SPSB4: variants seen among roughly 807,000 people sequenced by gnomAD.
SPSB4 encodes SPRY domain-containing SOCS box protein 4.
Under a neutral mutation model 20.9 loss-of-function variants are expected in SPSB4, and 21 were observed. That is an observed-to-expected ratio of 1.01 (90% confidence interval 0.71 to 1.45). The LOEUF is 1.45. SPSB4 is among the 40% of genes most tolerant of loss of function. The probability of loss-of-function intolerance (pLI) is 0.00; values close to 1 mark genes in which losing one functional copy is unlikely to be tolerated. For missense variants in SPSB4, 399 were observed against 399.2 expected (o/e 1.00, Z 0.00); for synonymous variants, 207 against 183.8 (o/e 1.13, Z -1.02).
At chr3:141,120,589 G>T (rs1938951577) in intron 2 of SPSB4, among the ~76,000 whole-genome samples, 1 of 152,154 alleles carries the variant, frequency 6.6e-6, no homozygotes. Flanking sequence ...ATGAATCTGT[G>T]TGCTCCTGTA....
intron 2 of SPSB4, among the ~76,000 whole-genome samples, chr3:141,107,358 T>C (rs78639063): frequency 0.01 from 1,545 of 152,162 alleles, 21 homozygotes; most frequent in African/African-American, 0.036. Context: ...ACTGGAAAGG[T>C]GTGTTCATAG....
intron 2 of SPSB4, among the ~76,000 whole-genome samples, chr3:141,122,886 C>T (rs1938990675): frequency 6.6e-6 from 1 of 152,226 alleles, no homozygotes; most frequent in African/African-American, 2.4e-5. Context: ...ATCCTCCAAC[C>T]CTTGTGCTTC....
intron 2 of SPSB4, among the ~76,000 whole-genome samples, chr3:141,112,342 C>T (rs1938812149): frequency 6.6e-6 from 1 of 152,208 alleles, no homozygotes; most frequent in African/African-American, 2.4e-5. Context: ...GTACCTGGGC[C>T]TTCTATCAAA....
chr3:141,085,826 A>G (rs1412069621), intron 2 of SPSB4, among the ~76,000 whole-genome samples: 1 of 152,214 alleles, frequency 6.6e-6, no homozygotes, highest in Non-Finnish European at 1.5e-5. Flanking sequence ...GGGATTCCCA[A>G]GGTTTGGTGC....
chr3:141,135,478 T>C (rs2107806013), intron 2 of SPSB4, among the ~76,000 whole-genome samples: 1 of 151,786 alleles, frequency 6.6e-6, no homozygotes, highest in East Asian at 1.9e-4. Context: ...GTATATCTCC[T>C]AATGATATCC....
intron 2 of SPSB4, among the ~76,000 whole-genome samples, chr3:141,136,499 C>T (rs957369076): frequency 6.6e-6 from 1 of 152,134 alleles, no homozygotes; most frequent in Non-Finnish European, 1.5e-5. Context: ...TTTAATCCAC[C>T]TTGAATTAAT....
chr3:141,094,956 C>T (rs1043968535), intron 2 of SPSB4, among the ~76,000 whole-genome samples: 13 of 151,996 alleles, frequency 8.6e-5, no homozygotes, highest in Non-Finnish European at 1.9e-4. Flanking sequence ...TCAGTGGCTG[C>T]ACTGCTCCTC....
At chr3:141,054,964 CAAA>C (rs67391798) in intron 1 of SPSB4, among the ~76,000 whole-genome samples, 7 of 135,176 alleles carry the variant, frequency 5.2e-5, no homozygotes, top group Non-Finnish European at 6.5e-5. Context: ...GACTCCGTCT[CAAA>C]AAAAAAAAAA....
intron 2 of SPSB4, chr3:141,115,381 T>C (rs928407460): frequency 3.0e-4 from 46 of 152,324 alleles, no homozygotes; most frequent in African/African-American, 1.0e-3. Flanking sequence ...GATCTGGGCC[T>C]AGAAATATTT....
In SPSB4 at chr3:141,111,132, A is replaced by G. The variant is rs1409964553; in HGVS notation, c.695-36010A>G. Among the ~76,000 whole-genome samples, 3 of 152,214 alleles carry G rather than the reference A, an allele frequency of 2.0e-5. No homozygotes were observed. In the East Asian group the frequency reaches 5.8e-4, roughly 29 times the overall value. The stretch of plus-strand genomic sequence containing the variant: ...TAAATGAAGACACTAGTGCAGGACT[A>G]TGTTCTGAAAACCAAAACTTTTTTC... On this transcript the variant is annotated intron_variant, in intron 2 of 2. Transcript: ENST00000310546.
At chr3:141,138,052 T>A (rs1183223295) in intron 2 of SPSB4, among the ~76,000 whole-genome samples, 1 of 152,208 alleles carries the variant, frequency 6.6e-6, no homozygotes, top group African/African-American at 2.4e-5. Flanking sequence ...TTCTTCCTGG[T>A]TTAGTCTTGG....
intron 2 of SPSB4, among the ~76,000 whole-genome samples, chr3:141,115,535 C>T (rs1437275590): frequency 6.6e-6 from 1 of 152,202 alleles, no homozygotes; most frequent in Non-Finnish European, 1.5e-5. Flanking sequence ...TGCCTGGCAC[C>T]ATGGATGCCG....
chr3:141,139,975 T>G (rs1342318696), intron 2 of SPSB4, among the ~76,000 whole-genome samples: 1 of 152,136 alleles, frequency 6.6e-6, no homozygotes, highest in East Asian at 1.9e-4. Flanking sequence ...GTACACCAAT[T>G]AGATGTAGAT....
intron 2 of SPSB4, among the ~76,000 whole-genome samples, chr3:141,102,147 C>T (rs958475954): frequency 2.0e-5 from 3 of 152,160 alleles, no homozygotes; most frequent in Non-Finnish European, 4.4e-5. Flanking sequence ...AGCAAGAAAT[C>T]GGAGTTATGA....
intron 2 of SPSB4, among the ~76,000 whole-genome samples, chr3:141,096,293 C>T (rs1337505533): frequency 6.6e-6 from 1 of 152,198 alleles, no homozygotes; most frequent in Non-Finnish European, 1.5e-5. Flanking sequence ...ACTTGTTAGA[C>T]ACTTGGGACC....
chr3:141,075,367 AG>A (rs1189774091), intron 2 of SPSB4, among the ~76,000 whole-genome samples: 1 of 152,094 alleles, frequency 6.6e-6, no homozygotes, highest in Non-Finnish European at 1.5e-5. Context: ...CCATACAACC[AG>A]GGGGTTAGCA....
Position 141,069,754 on chromosome 3 carries a change from A to G in SPSB4, c.694+2956A>G, listed in dbSNP as rs373384120. Among the ~76,000 whole-genome samples, 12 of 152,342 alleles carry G rather than the reference A, an allele frequency of 7.9e-5. No individual in the cohort carries two copies. The East Asian group carries it at 1.5e-3, about 20-fold the overall frequency. ...AAGCTCACCGGCACAGAGCAGACAC[A>G]TAGCAATTGGTGCCCCTGTGTTGAT... is the stretch of plus-strand genomic sequence containing the variant. On this transcript the variant is annotated intron_variant, in intron 2 of 2. Transcript: ENST00000310546.
chr3:141,113,833 C>T (rs538773663), intron 2 of SPSB4, among the ~76,000 whole-genome samples: 16 of 152,324 alleles, frequency 1.1e-4, no homozygotes, highest in East Asian at 1.9e-4. Context: ...TGGTGGCTCA[C>T]GACTGTAATC....
At chr3:141,103,872 G>A (rs2107796033) in intron 2 of SPSB4, among the ~76,000 whole-genome samples, 1 of 151,720 alleles carries the variant, frequency 6.6e-6, no homozygotes, top group African/African-American at 2.4e-5. Flanking sequence ...CTCCAGAATG[G>A]ATTCAGTTAT....
Sources: allele counts gnomAD v4.1 joint callset (sites outside exome capture counted in the v4.1 genomes callset), GRCh38; gene constraint gnomAD v4.1.1; transcripts MANE v1.5; gene names NCBI Gene and HGNC (gene_info 2026-07-23, HGNC 2026-07-21).